ARF4: variants seen among roughly 807,000 people sequenced by gnomAD.
ARF4 encodes ARF GTPase 4.
ARF4 carries 5 observed loss-of-function variants against 24.3 expected under a neutral mutation model. The ratio of observed to expected loss-of-function variants is 0.21; its 90% CI spans 0.11 to 0.43. The LOEUF (loss-of-function observed/expected upper bound fraction) is 0.43, where lower values mean the gene tolerates loss of function less well. ARF4 is among the 20% of genes least tolerant of loss of function. The pLI is 1.00. For synonymous variants in ARF4, 62 were observed against 73.5 expected (o/e 0.84, Z 0.80); for missense variants, 107 against 213.0 (o/e 0.50, Z 3.10).
chr3:57,573,862 G>A (rs2069869578), intron 5 of ARF4, among the ~76,000 whole-genome samples: 1 of 152,146 alleles, frequency 6.6e-6, no homozygotes, highest in Admixed American at 6.5e-5. Context: ...GATTACAGGT[G>A]TGAGCCACCA....
intron 1 of ARF4, among the ~76,000 whole-genome samples, chr3:57,594,670 T>C (rs767978884): frequency 1.3e-5 from 2 of 152,232 alleles, no homozygotes; most frequent in Non-Finnish European, 2.9e-5. Context: ...TCCTTTATAC[T>C]TTAAAATGGT....
chr3:57,595,800 A>C (rs2070174289), intron 1 of ARF4, among the ~76,000 whole-genome samples: 1 of 151,978 alleles, frequency 6.6e-6, no homozygotes, highest in African/African-American at 2.4e-5. Context: ...TAATACAAAA[A>C]ATTAGCCAGG....
chr3:57,585,246 A>C (rs1291039944), intron 1 of ARF4, among the ~76,000 whole-genome samples: 1 of 152,230 alleles, frequency 6.6e-6, no homozygotes, highest in African/African-American at 2.4e-5. Context: ...ATTTGTAAAA[A>C]TATTTTCTCT....
intron 1 of ARF4, among the ~76,000 whole-genome samples, chr3:57,587,124 GC>G (rs1440276497): frequency 6.6e-6 from 1 of 152,026 alleles, no homozygotes; most frequent in African/African-American, 2.4e-5. Context: ...TTTGAGACCA[GC>G]CTGGCCAACA....
intron 1 of ARF4, among the ~76,000 whole-genome samples, chr3:57,585,299 G>T (rs918234061): frequency 6.6e-6 from 1 of 152,060 alleles, no homozygotes; most frequent in East Asian, 1.9e-4. Context: ...TGATGCTAAG[G>T]GGTAAAAAAT....
chr3:57,596,953 C>G (rs1013710563), intron 1 of ARF4, 121 bp downstream of exon 1: 3 of 1,095,404 alleles, frequency 2.7e-6, no homozygotes, highest in Non-Finnish European at 4.0e-6. Context: ...CCTTCCGACC[C>G]CCGACCCGGC....
chr3:57,589,269 AAAAC>A (rs1457147093), intron 1 of ARF4, among the ~76,000 whole-genome samples: 1 of 152,106 alleles, frequency 6.6e-6, no homozygotes, highest in African/African-American at 2.4e-5. Context: ...ACCCTGTCTC[AAAAC>A]AAACAAAAAT....
chr3:57,577,427 G>A (rs1363439848), intron 3 of ARF4, 40 bp from the exon 4 acceptor site: 12 of 1,511,442 alleles, frequency 7.9e-6, no homozygotes, highest in Middle Eastern at 1.7e-4. Context: ...ACAGTTAAAC[G>A]ACACTCTCTA....
intron 3 of ARF4, among the ~76,000 whole-genome samples, chr3:57,579,021 T>G (rs13063507): frequency 0.75 from 113,704 of 151,980 alleles, 44,627 homozygotes; most frequent in East Asian, 1. Context: ...ACGAGGCTGG[T>G]TGAGGTGGCT....
intron 1 of ARF4, among the ~76,000 whole-genome samples, chr3:57,589,698 A>T (rs1575787414): frequency 6.6e-6 from 1 of 151,676 alleles, no homozygotes; most frequent in African/African-American, 2.4e-5. Flanking sequence ...AGCCTGGGCA[A>T]CAAAGCGAGA....
At chr3:57,577,066 A>C (rs946474321) in intron 4 of ARF4, among the ~76,000 whole-genome samples, 3 of 151,812 alleles carry the variant, frequency 2.0e-5, no homozygotes, top group African/African-American at 4.9e-5. Context: ...AAAAAAAAAA[A>C]AACAACACTG....
At chr3:57,595,867 C>CT (rs1476141415) in intron 1 of ARF4, among the ~76,000 whole-genome samples, 1 of 152,072 alleles carries the variant, frequency 6.6e-6, no homozygotes, top group African/African-American at 2.4e-5. Flanking sequence ...AGGAGAATCT[C>CT]TTGAACCCGG....
At chr3:57,589,223 G>A (rs905863256) in intron 1 of ARF4, among the ~76,000 whole-genome samples, 6 of 152,050 alleles carry the variant, frequency 3.9e-5, no homozygotes, top group Non-Finnish European at 7.4e-5. Flanking sequence ...AGCTGTGATC[G>A]CACCACTGTG....
At chr3:57,583,512 G>A (rs2070000843) in intron 3 of ARF4, among the ~76,000 whole-genome samples, 1 of 152,096 alleles carries the variant, frequency 6.6e-6, no homozygotes, top group South Asian at 2.1e-4. Flanking sequence ...ATTTAATAAA[G>A]TAAACAAGTA....
chr3:57,575,715 T>A (rs762739087), intron 4 of ARF4, 42 bp from the exon 5 acceptor site: 2 of 1,561,782 alleles, frequency 1.3e-6, no homozygotes, highest in South Asian at 2.4e-5. Flanking sequence ...CCAACCGGAA[T>A]CCAATTTTTG....
chr3:57,592,277 T>C (rs1013841615), intron 1 of ARF4, among the ~76,000 whole-genome samples: 11 of 152,034 alleles, frequency 7.2e-5, no homozygotes, highest in African/African-American at 2.4e-4. Context: ...TCACCTGAGG[T>C]CAGGAGTTTG....
intron 1 of ARF4, among the ~76,000 whole-genome samples, chr3:57,589,098 G>A (rs1237799596): frequency 1.5e-4 from 12 of 78,242 alleles, no homozygotes; most frequent in Admixed American, 6.9e-4. Flanking sequence ...GCAAAACTCC[G>A]TCTCAAAAAA....
At chr3:57,594,911 CT>C (rs2070163086) in intron 1 of ARF4, among the ~76,000 whole-genome samples, 1 of 152,160 alleles carries the variant, frequency 6.6e-6, no homozygotes, top group East Asian at 1.9e-4. Context: ...ACATATCTCC[CT>C]CGTACGTTGA....
At chr3:57,574,673 T>A (rs1575779896) in intron 5 of ARF4, among the ~76,000 whole-genome samples, 1 of 152,016 alleles carries the variant, frequency 6.6e-6, no homozygotes, top group Non-Finnish European at 1.5e-5. Context: ...TCCCAAAGTA[T>A]TGGGATTACG....
Sources: allele counts gnomAD v4.1 joint callset (sites outside exome capture counted in the v4.1 genomes callset), GRCh38; gene constraint gnomAD v4.1.1; transcripts MANE v1.5; gene names NCBI Gene and HGNC (gene_info 2026-07-23, HGNC 2026-07-21).